SYNJ2: variants seen among roughly 807,000 people sequenced by gnomAD.
SYNJ2 encodes synaptojanin 2.
Under a neutral mutation model 141.3 loss-of-function variants are expected in SYNJ2, and 116 were observed. The observed-to-expected ratio is 0.82, with a 90% confidence interval of 0.71 to 0.96. The LOEUF (loss-of-function observed/expected upper bound fraction) is 0.96, where lower values mean the gene tolerates loss of function less well. SYNJ2 is among the 40% of genes least tolerant of loss of function. The probability of loss-of-function intolerance (pLI) is 0.00; values close to 1 mark genes in which losing one functional copy is unlikely to be tolerated. For synonymous variants in SYNJ2, 745 were observed against 777.7 expected (o/e 0.96, Z 0.70); for missense variants, 1,873 against 1,934.8 (o/e 0.97, Z 0.60).
chr6:158,089,732 G>A, intron 24 of SYNJ2, 107 bp from the exon 25 acceptor site: 1 of 697,104 alleles, frequency 1.4e-6, no homozygotes, highest in Non-Finnish European at 2.5e-6. Flanking sequence ...TGTATGGTCA[G>A]CATCGTCTGG....
intron 1 of SYNJ2, among the ~76,000 whole-genome samples, chr6:158,014,151 G>T (rs1019805473): frequency 6.6e-6 from 1 of 152,218 alleles, no homozygotes; most frequent in Admixed American, 6.5e-5. Flanking sequence ...CTTTCAGAAA[G>T]TAGGCTTTGT....
rs758875294 is a variant in SYNJ2, at chr6:158,096,078, C to T, written c.4205C>T (p.Pro1402Leu). Reference sequence around the variant, plus strand: ...AGCGATGGCACCAAAGCGATGAAGCCAGAGGCAGCCCCACTTCTTGGTGAT... The same window carrying T: ...AGCGATGGCACCAAAGCGATGAAGCTAGAGGCAGCCCCACTTCTTGGTGAT... ...PDSDGTKAMK[P>L]EAAPLLGDYQ... The change falls in exon 27 of 27, where the codon CCA (proline) becomes CTA (leucine). Residue 1402 changes from proline (P) to leucine (L), a missense_variant. Physicochemically the swap from Pro to Leu is moderately conservative, Grantham distance 98. Transcript: ENST00000355585. The T allele has an allele frequency of 2.5e-6, 4 of 1,614,250 alleles. No homozygotes were observed. In the East Asian group the frequency reaches 6.7e-5, roughly 27 times the overall value.
At chr6:158,093,822 C>T in intron 26 of SYNJ2, 1 of 742,362 alleles carries the variant, frequency 1.3e-6, no homozygotes, top group Non-Finnish European at 2.5e-6. Flanking sequence ...TCGCCATGTT[C>T]ACATGCTCTC....
intron 12 of SYNJ2, among the ~76,000 whole-genome samples, chr6:158,066,882 G>A (rs1781601967): frequency 6.6e-6 from 1 of 152,208 alleles, no homozygotes; most frequent in Non-Finnish European, 1.5e-5. Context: ...TGCATACAGT[G>A]ATGGTGAAGT....
intron 23 of SYNJ2, among the ~76,000 whole-genome samples, chr6:158,087,223 G>A (rs530962476): frequency 2.1e-4 from 32 of 152,294 alleles, no homozygotes; most frequent in African/African-American, 6.7e-4. Context: ...GTTCACCCTG[G>A]AGCTGTGCTA....
At chr6:158,004,024 G>A (rs1223208946) in intron 1 of SYNJ2, among the ~76,000 whole-genome samples, 1 of 152,162 alleles carries the variant, frequency 6.6e-6, no homozygotes, top group Non-Finnish European at 1.5e-5. Context: ...CATAAGCCAT[G>A]TTGTTCGAGT....
intron 2 of SYNJ2, chr6:158,028,540 C>T: frequency 1.6e-6 from 1 of 606,128 alleles, no homozygotes; most frequent in Non-Finnish European, 2.9e-6. Flanking sequence ...TGCTGACTTG[C>T]TGGCCAGGGT....
chr6:158,069,553 G>C lies in SYNJ2; in HGVS notation c.1820G>C (p.Trp607Ser). 1 of 1,613,612 alleles carries C rather than the reference G, an allele frequency of 6.2e-7. No homozygotes were observed. The part of the protein sequence containing the change: ...VNASTTNKKM[W>S]GEQLQKAISR... ...TCCAGTACTACCAACAAGAAGATGT[G>C]GGGTGAACAGCTTCAGAAAGCCATC... Residue 607 changes from tryptophan (W) to serine (S), a missense_variant, in exon 14 of 27, where the codon TGG becomes TCG. Coordinates refer to ENST00000355585, the MANE Select transcript of SYNJ2 (RefSeq NM_003898.4).
Position 158,096,191 on chromosome 6 carries a change from G to A in SYNJ2, c.4318G>A (p.Gly1440Arg), listed in dbSNP as rs1348736746. The change falls in exon 27 of 27, where the codon GGA (glycine) becomes AGA (arginine). Residue 1440 changes from glycine (G) to arginine (R), a missense_variant. Gly to Arg is a moderately radical substitution (Grantham distance 125). Coordinates refer to ENST00000355585, the MANE Select transcript of SYNJ2 (RefSeq NM_003898.4). ...TAAGAGCTCAGACCCTTTGGACTCA[G>A]GAACCAGGAGCCCCAAAAGAGATCC... ...LSKSSDPLDS[G>R]TRSPKRDPID... 1 of 1,614,254 alleles carries A rather than the reference G, an allele frequency of 6.2e-7. No individual in the cohort carries two copies. Among genetic ancestry groups the A allele is most frequent in the Admixed American group, 1.7e-5 (1 of 60,024 alleles).
intron 11 of SYNJ2, 135 bp from the exon 12 acceptor site, chr6:158,066,309 G>A (rs563638381): frequency 3.7e-5 from 36 of 984,600 alleles, no homozygotes; most frequent in East Asian, 5.1e-5. Flanking sequence ...TGTCGTCTTC[G>A]TAAGGAGCAT....
rs58284240 is a variant in SYNJ2, at chr6:158,000,064, C to CTTTTTT, written c.128-17106_128-17101dup. Among the ~76,000 whole-genome samples the CTTTTTT allele has an allele frequency of 3.6e-3, 312 of 85,524 alleles. 50 individuals are homozygous for CTTTTTT. Among genetic ancestry groups the CTTTTTT allele is most frequent in the Middle Eastern group, 6.8e-3 (1 of 146 alleles). 56.1% of individuals were successfully genotyped at this position (85,524 alleles called of 152,430 possible). ...GCCAGGTTCTCACCAAGCCAAAAGG[C>CTTTTTT]TTTTTTTTTTTTTTTTTTTTTTTTT... is the stretch of plus-strand genomic sequence containing the variant. On this transcript the variant is annotated intron_variant, in intron 1 of 26. Coordinates refer to ENST00000355585, the MANE Select transcript of SYNJ2 (RefSeq NM_003898.4).
chr6:158,064,711 G>A lies in SYNJ2; in HGVS notation c.1320G>A (p.Lys440=), dbSNP rs1264639956. The part of the protein sequence containing the change: ...MWSLNGHSLS[K]VFTGSRALEG... ...CTCTGAATGGCCACAGCCTGAGCAA[G>A]GTGTTCACAGGCAGCAGAGCCCTGG... The change falls in exon 10 of 27, where the codon AAG becomes AAA. Residue 440 remains lysine (K), a synonymous_variant. Coordinates refer to ENST00000355585, the MANE Select transcript of SYNJ2 (RefSeq NM_003898.4). The A allele has an allele frequency of 6.2e-7, 1 of 1,613,930 alleles. No homozygotes were observed. The highest frequency in any genetic ancestry group is 8.5e-7 in the Non-Finnish European group (1 of 1,180,046).
chr6:158,004,878 T>C (rs948138556), intron 1 of SYNJ2, among the ~76,000 whole-genome samples: 3 of 151,438 alleles, frequency 2.0e-5, no homozygotes, highest in Non-Finnish European at 4.4e-5. Flanking sequence ...GTCTGGCGCT[T>C]GTTCTTGGTG....
chr6:158,084,186 C>T lies in SYNJ2; in HGVS notation c.3208+12C>T, dbSNP rs1412034323. On this transcript the variant is annotated intron_variant, in intron 22 of 26. Coordinates refer to ENST00000355585, the MANE Select transcript of SYNJ2 (RefSeq NM_003898.4). This position sits in a 1 kb window ranked among gnomAD's most constrained non-coding sequence, Gnocchi z 5.0. ...TCCAACGTACAAAGGTAGCCTGACC[C>T]TTCTTTTCTCAGGAGCCTCAGCGAT... is the stretch of plus-strand genomic sequence containing the variant. The T allele has an allele frequency of 6.8e-6, 11 of 1,609,266 alleles. No individual in the cohort carries two copies. Among genetic ancestry groups the T allele is most frequent in the Non-Finnish European group, 9.3e-6 (11 of 1,177,068 alleles).
At chr6:158,041,364 G>T (rs910517928) in intron 4 of SYNJ2, among the ~76,000 whole-genome samples, 2 of 152,228 alleles carry the variant, frequency 1.3e-5, no homozygotes, top group Admixed American at 1.3e-4. Context: ...ATTAAAAGTT[G>T]TTCGCCCAGA....
chr6:158,005,843 C>T (rs780114505), intron 1 of SYNJ2, among the ~76,000 whole-genome samples: 5 of 152,154 alleles, frequency 3.3e-5, no homozygotes, highest in Non-Finnish European at 4.4e-5. Context: ...AGAGAATTCC[C>T]GCTGGCTCCC....
intron 15 of SYNJ2, among the ~76,000 whole-genome samples, chr6:158,072,659 C>T (rs1782007382): frequency 6.6e-6 from 1 of 151,842 alleles, no homozygotes; most frequent in African/African-American, 2.4e-5. Flanking sequence ...TGCCATAATT[C>T]CTGTTGGTGT....
rs145880577 is a variant in SYNJ2, at chr6:158,031,903, T to C, written c.486-1552T>C. Among the ~76,000 whole-genome samples, 28 of 152,326 alleles carry C rather than the reference T, an allele frequency of 1.8e-4. No individual in the cohort carries two copies. In the East Asian group the frequency reaches 5.4e-3, roughly 29 times the overall value. ...TTCTTCTCCTGAGCCCTGGTGATAG[T>C]GGCCATAGCTGTGTAGCTGGCAGAC... On this transcript the variant is annotated intron_variant, in intron 3 of 26. Transcript: ENST00000355585.
chr6:158,095,764 T>C lies in SYNJ2; in HGVS notation c.3891T>C (p.Ala1297=), dbSNP rs1783760227. ...CAAGAACATTTCAGCCTGGGAAAGC[T>C]GCAGAGAGGCCAAGCCACAGGAAGC... ...PKPRTFQPGK[A]AERPSHRKPA... The change falls in exon 27 of 27, where the codon GCT becomes GCC. Residue 1297 remains alanine (A), a synonymous_variant. Transcript: ENST00000355585. The C allele has an allele frequency of 3.1e-6, 5 of 1,614,126 alleles. No homozygotes were observed. The highest frequency in any genetic ancestry group is 4.2e-6 in the Non-Finnish European group (5 of 1,180,014).
Sources: gnomAD v4.1 joint callset for allele counts (sites outside exome capture counted in the v4.1 genomes callset) on GRCh38, gnomAD v4.1.1 for gene constraint, Gnocchi (gnomAD v3.1) non-coding constraint, MANE v1.5 for transcripts, NCBI Gene and HGNC (gene_info 2026-07-23, HGNC 2026-07-21) for gene names.